The following MACF1 variants were observed in gnomAD, a reference collection of about 807,000 sequenced individuals.
MACF1 encodes microtubule actin crosslinking factor 1, also known as microtubule-actin cross-linking factor 1.
In MACF1, 193 loss-of-function variants were observed where a neutral mutation model predicts 854.8. The observed-to-expected ratio is 0.23, with a 90% CI of 0.20 to 0.25. The LOEUF is 0.25. MACF1 is among the 10% of genes least tolerant of loss of function. The pLI, the probability that MACF1 is intolerant of heterozygous loss-of-function variation, is 1.00. For synonymous variants in MACF1, 3,185 were observed against 3,226.7 expected, an observed-to-expected ratio of 0.99 and a Z score of 0.44; for missense variants, 7,722 against 8,929.1, an observed-to-expected ratio of 0.86 and a Z score of 5.45.
At chr1:39,359,923 C>T (rs1647926445) in intron 47 of MACF1, among the ~76,000 whole-genome samples, 1 of 137,188 alleles carries the variant, frequency 7.3e-6, no homozygotes, top group South Asian at 2.5e-4. Context: ...GGAGGCGGAG[C>T]TTGCAGTGAG....
At chr1:39,246,443 G>A (rs1156355549) in intron 2 of MACF1, among the ~76,000 whole-genome samples, 2 of 152,294 alleles carry the variant, frequency 1.3e-5, no homozygotes, top group Non-Finnish European at 2.9e-5. Flanking sequence ...GCCTATTTCT[G>A]TTAATGGTCC....
intron 2 of MACF1, among the ~76,000 whole-genome samples, chr1:39,136,026 T>C (rs1045672673): frequency 6.6e-6 from 1 of 152,202 alleles, no homozygotes; most frequent in Admixed American, 6.5e-5. Context: ...TACCTATATG[T>C]GTACACACAT....
Position 39,347,107 on chromosome 1 carries a change from A to G in MACF1, c.10712A>G (p.Asn3571Ser), listed in dbSNP as rs1647068952. 6.2e-7 allele frequency: 1 copy of G among 1,614,062 alleles called. No individual in the cohort carries two copies. Among genetic ancestry groups the G allele is most frequent in the Non-Finnish European group, 8.5e-7 (1 of 1,179,894 alleles). ...QQNRQMLRLL[N>S]ELQRSFQDIL... ...AATCGACAGATGCTGAGGCTTCTGA[A>G]TGAACTGCAGAGGTCCTTCCAGGAC... Residue 3571 changes from asparagine (N) to serine (S), a missense_variant, in exon 41 of 101, where the codon AAT becomes AGT. Coordinates refer to ENST00000564288, the MANE Select transcript of MACF1 (RefSeq NM_001394062.1).
intron 6 of MACF1, among the ~76,000 whole-genome samples, chr1:39,265,123 A>G (rs1307112770): frequency 1.3e-5 from 2 of 152,238 alleles, no homozygotes; most frequent in African/African-American, 2.4e-5. Context: ...ATACTAGTGT[A>G]TGCCTAGCAT....
chr1:39,134,978 T>C (rs1269550207), intron 2 of MACF1, among the ~76,000 whole-genome samples: 1 of 152,188 alleles, frequency 6.6e-6, no homozygotes, highest in Non-Finnish European at 1.5e-5. Context: ...ACCACAATTC[T>C]ACTTTCTGTT....
rs377123690 is a variant in MACF1, at chr1:39,205,045, A to G, written c.23A>G (p.Tyr8Cys). The G allele has an allele frequency of 3.3e-3, 2,329 of 703,000 alleles. 55 individuals carry two copies. The highest frequency in any genetic ancestry group is 0.03 in the South Asian group (2,051 of 67,594). 43.5% of individuals were successfully genotyped at this position (703,000 alleles called of 1,614,324 possible). A position where few individuals can be genotyped will look rare whatever the true frequency, so the allele number is the denominator to read the frequency against. MPLLDSS[Y>C]LPPTIFILTH... is the part of the protein sequence containing the mutation. ...GAAATGCCCCTCTTAGATTCATCTT[A>G]TTTACCACCAACCATCTTTATTTTG... Residue 8 changes from tyrosine to cysteine, a missense_variant, in exon 1 of 101, where the codon TAT (tyrosine) becomes TGT (cysteine). This residue lies in a region of MACF1 where 22 missense variants were observed against 16.1 expected (regional missense o/e 1.37). Coordinates refer to ENST00000564288, the MANE Select transcript of MACF1 (RefSeq NM_001394062.1).
chr1:39,228,170 C>T (rs1364089044), intron 1 of MACF1, among the ~76,000 whole-genome samples: 3 of 152,030 alleles, frequency 2.0e-5, no homozygotes, highest in Non-Finnish European at 4.4e-5. Flanking sequence ...ATTAGCCGGA[C>T]GTGGTGGGTG....
chr1:39,331,795 G>A lies in MACF1; in HGVS notation c.5207G>A (p.Gly1736Glu), dbSNP rs758901715. The change falls in exon 37 of 101, where the codon GGG (glycine) becomes GAG (glutamate). Residue 1736 changes from glycine (G) to glutamate (E), a missense_variant. Physicochemically the swap from Gly to Glu is moderately conservative, Grantham distance 98 (BLOSUM62 -2). Transcript: ENST00000564288. ...KLLPVKQLAGGMVSLKSGRKV... is the reference protein window; with the variant it reads ...KLLPVKQLAGEMVSLKSGRKV... ...CTGCCTGTCAAACAATTGGCAGGGG[G>A]GATGGTGAGCTTGAAATCAGGCCGG... The A allele has an allele frequency of 1.7e-5, 28 of 1,614,002 alleles. 1 individual carries two copies. The Admixed American group carries it at 4.7e-4, about 27-fold the overall frequency.
Position 39,442,417 on chromosome 1 carries a change from A to G in MACF1, c.18954A>G (p.Lys6318=). ...TTCTGTCTTTTCCTGAGTAGCACAA[A>G]CTAGAAGGGGCTCTGTTGGCCCTTG... is the stretch of plus-strand genomic sequence containing the variant. The part of the protein sequence containing the change: ...LGEKIAHRQH[K]LEGALLALGQ... The change falls in exon 77 of 101, where the codon AAA becomes AAG. Residue 6318 remains lysine, a synonymous_variant. Transcript: ENST00000564288. 1.2e-6 allele frequency: 2 copies of G among 1,613,320 alleles called. No homozygotes were observed. Among genetic ancestry groups the G allele is most frequent in the African/African-American group, 2.7e-5 (2 of 74,960 alleles).
intron 5 of MACF1, 180 bp downstream of exon 5, chr1:39,254,555 C>A: frequency 1.8e-6 from 1 of 566,608 alleles, no homozygotes; most frequent in Non-Finnish European, 3.1e-6. Context: ...ATTCAGTACT[C>A]ACACAGAACT....
intron 2 of MACF1, among the ~76,000 whole-genome samples, chr1:39,099,823 C>A (rs1009679428): frequency 6.6e-6 from 1 of 152,172 alleles, no homozygotes; most frequent in Non-Finnish European, 1.5e-5. Flanking sequence ...CCCTCAGGAA[C>A]CTATGAAGTA....
At chr1:39,382,978 G>A (rs930778996) in intron 56 of MACF1, among the ~76,000 whole-genome samples, 13 of 149,716 alleles carry the variant, frequency 8.7e-5, no homozygotes, top group Non-Finnish European at 1.6e-4. Flanking sequence ...ACAATTAGCC[G>A]GGCGTGGTGG....
intron 2 of MACF1, among the ~76,000 whole-genome samples, chr1:39,232,820 T>C (rs908913401): frequency 6.6e-5 from 10 of 151,352 alleles, no homozygotes; most frequent in Non-Finnish European, 1.0e-4. Flanking sequence ...TCTTACCCTG[T>C]TGCCCAGGCT....
chr1:39,438,464 A>C (rs1243798025), intron 71 of MACF1, among the ~76,000 whole-genome samples: 1 of 152,232 alleles, frequency 6.6e-6, no homozygotes, highest in South Asian at 2.1e-4. Context: ...TGGGATACCA[A>C]TGTAAGAGGA....
chr1:39,357,945 C>T (rs769155060), intron 45 of MACF1, 52 bp downstream of exon 45: 55 of 1,545,088 alleles, frequency 3.6e-5, no homozygotes, highest in Middle Eastern at 3.5e-4. Context: ...GCAGCCTTCA[C>T]ACAATGTAGG....
chr1:39,397,688 G>A (rs1449046554), intron 58 of MACF1, among the ~76,000 whole-genome samples: 1 of 152,142 alleles, frequency 6.6e-6, no homozygotes, highest in Admixed American at 6.5e-5. Flanking sequence ...ATAATAAAGT[G>A]CTGACTCGCT....
chr1:39,259,248 C>T (rs1359397658), intron 6 of MACF1, among the ~76,000 whole-genome samples: 2 of 152,200 alleles, frequency 1.3e-5, no homozygotes, highest in East Asian at 3.8e-4. Flanking sequence ...TTCACTGTCT[C>T]TATTCACCCC....
intron 22 of MACF1, 33 bp from the exon 23 acceptor site, chr1:39,302,891 C>T (rs756746330): frequency 3.1e-6 from 5 of 1,592,518 alleles, no homozygotes; most frequent in South Asian, 2.2e-5. Flanking sequence ...TTGGTTTATC[C>T]ATTAGCAATC....
intron 5 of MACF1, among the ~76,000 whole-genome samples, chr1:39,256,565 G>A (rs1031542821): frequency 1.3e-5 from 2 of 152,164 alleles, no homozygotes; most frequent in Non-Finnish European, 2.9e-5. Flanking sequence ...TGTGTCGCAG[G>A]ACTCTGAGGG....
Sources: gnomAD v4.1 joint callset for allele counts (sites outside exome capture counted in the v4.1 genomes callset) on GRCh38, gnomAD v4.1.1 for gene constraint, gnomAD v4.1.1 regional missense constraint, MANE v1.5 for transcripts, NCBI Gene and HGNC (gene_info 2026-07-23, HGNC 2026-07-21) for gene names.